Variants in CEPT1 observed in about 807,000 individuals in gnomAD.
The protein encoded by CEPT1 is choline/ethanolaminephosphotransferase 1.
CEPT1 carries 7 observed loss-of-function variants against 42.6 expected under a neutral mutation model. The ratio of observed to expected loss-of-function variants is 0.16; its 90% CI spans 0.09 to 0.31. The LOEUF (loss-of-function observed/expected upper bound fraction) is 0.31. Ranked by LOEUF, CEPT1 falls within the 10% of genes least tolerant of loss-of-function variation. CEPT1 has a pLI of 1.00. For synonymous variants in CEPT1, 171 were observed against 171.9 expected, an observed-to-expected ratio of 0.99 and a Z score of 0.04; for missense variants, 306 against 502.1, an observed-to-expected ratio of 0.61 and a Z score of 3.73.
At chr1:111,167,583 CTA>C in intron 4 of CEPT1, 6 of 968,190 alleles carry the variant, frequency 6.2e-6, no homozygotes, top group Non-Finnish European at 7.4e-6. Context: ...TGAGATGATT[CTA>C]TATTAATGTA....
At chr1:111,161,080 TCA>T in intron 3 of CEPT1, 73 bp from the exon 4 acceptor site, 1 of 1,477,762 alleles carries the variant, frequency 6.8e-7, no homozygotes. Context: ...TCTTTTTGTC[TCA>T]TCTAAAATCA....
chr1:111,178,018 A>T (rs143480888), intron 5 of CEPT1, among the ~76,000 whole-genome samples: 206 of 152,316 alleles, frequency 1.4e-3, no homozygotes, highest in Non-Finnish European at 1.8e-3. Flanking sequence ...ACCCCAGATC[A>T]CTATATTATT....
At chr1:111,141,786 A>G (rs145790478) in intron 1 of CEPT1, among the ~76,000 whole-genome samples, 250 of 152,164 alleles carry the variant, frequency 1.6e-3, no homozygotes, top group African/African-American at 5.7e-3. Flanking sequence ...GCTGAACTTA[A>G]TCCTGTGATC....
At chr1:111,157,968 A>G (rs1417442657) in intron 2 of CEPT1, among the ~76,000 whole-genome samples, 3 of 152,216 alleles carry the variant, frequency 2.0e-5, no homozygotes, top group Non-Finnish European at 4.4e-5. Context: ...AGGGGAAAAT[A>G]ATGAAAAGTG....
At chr1:111,180,490 AG>A (rs1656918271) in intron 5 of CEPT1, 1 of 152,224 alleles carries the variant, frequency 6.6e-6, no homozygotes, top group South Asian at 2.1e-4. Flanking sequence ...TAGACTGTAG[AG>A]GTTGGAGATT....
chr1:111,153,361 G>C (rs914400582), intron 2 of CEPT1, among the ~76,000 whole-genome samples: 1 of 151,978 alleles, frequency 6.6e-6, no homozygotes, highest in Non-Finnish European at 1.5e-5. Context: ...GGCATACACC[G>C]CCATACCTGG....
At chr1:111,140,592 T>C (rs1295820097) in intron 1 of CEPT1, 2 of 152,600 alleles carry the variant, frequency 1.3e-5, no homozygotes, top group Non-Finnish European at 2.9e-5. Context: ...CGGGGGGCTG[T>C]TGTGTGGGAG....
chr1:111,151,876 G>C (rs1017379499), intron 2 of CEPT1, among the ~76,000 whole-genome samples: 1 of 152,122 alleles, frequency 6.6e-6, no homozygotes, highest in African/African-American at 2.4e-5. Flanking sequence ...TCCTTGTCTT[G>C]TATTGTTATG....
chr1:111,165,281 C>A (rs545248553), intron 4 of CEPT1, among the ~76,000 whole-genome samples: 10 of 151,642 alleles, frequency 6.6e-5, no homozygotes, highest in Non-Finnish European at 1.5e-5. Context: ...ATCTCCTGAC[C>A]TCGTGATCCG....
At chr1:111,149,541 T>G (rs1472062557) in intron 2 of CEPT1, among the ~76,000 whole-genome samples, 2 of 152,140 alleles carry the variant, frequency 1.3e-5, no homozygotes, top group African/African-American at 2.4e-5. Context: ...GGGATTACAG[T>G]GAGCAACTGC....
intron 5 of CEPT1, chr1:111,181,437 A>G (rs1003657337): frequency 2.0e-5 from 3 of 152,246 alleles, no homozygotes; most frequent in South Asian, 4.1e-4. Flanking sequence ...GCAAAAATGC[A>G]TGACATCAAT....
intron 4 of CEPT1, among the ~76,000 whole-genome samples, chr1:111,164,912 C>G (rs906731000): frequency 7.6e-4 from 115 of 151,612 alleles, no homozygotes; most frequent in African/African-American, 2.6e-3. Context: ...TGAGCCACCG[C>G]ACCCGGCCTA....
At chr1:111,176,784 G>A (rs779101564) in intron 5 of CEPT1, among the ~76,000 whole-genome samples, 6 of 152,170 alleles carry the variant, frequency 3.9e-5, no homozygotes, top group Non-Finnish European at 7.4e-5. Flanking sequence ...ATGAAACAAA[G>A]TGTGTGTATT....
In CEPT1 at chr1:111,169,228, CT is replaced by C. The variant is rs541091515; in HGVS notation, c.630-5648del. On this transcript the variant is annotated intron_variant, in intron 4 of 8. Transcript: ENST00000357172. ...ACTAAGAAGTGTATCGTTAGCCTCC[CT>C]TTACCCTTACACTGTCTTCTGGTAC... is the stretch of plus-strand genomic sequence containing the variant. Among the ~76,000 whole-genome samples, 296 of 152,294 alleles carry C rather than the reference CT, an allele frequency of 1.9e-3. 1 individual carries two copies. Among genetic ancestry groups the C allele is most frequent in the African/African-American group, 6.9e-3 (286 of 41,562 alleles).
chr1:111,153,729 A>G (rs560274683), intron 2 of CEPT1, among the ~76,000 whole-genome samples: 29 of 151,600 alleles, frequency 1.9e-4, no homozygotes, highest in Admixed American at 1.1e-3. Context: ...TCCTTTCCCC[A>G]CTCTATGTTC....
chr1:111,170,475 T>TC (rs780737086), intron 4 of CEPT1, among the ~76,000 whole-genome samples: 1 of 152,208 alleles, frequency 6.6e-6, no homozygotes, highest in African/African-American at 2.4e-5. Flanking sequence ...TTAAAAATAC[T>TC]CCAAGTTATC....
intron 2 of CEPT1, among the ~76,000 whole-genome samples, chr1:111,158,682 T>C (rs1655702114): frequency 6.6e-6 from 1 of 152,162 alleles, no homozygotes; most frequent in East Asian, 1.9e-4. Context: ...ACCCAGTGTT[T>C]CCCATATGAG....
At chr1:111,152,797 T>C (rs771058159) in intron 2 of CEPT1, among the ~76,000 whole-genome samples, 29 of 152,314 alleles carry the variant, frequency 1.9e-4, no homozygotes, top group Non-Finnish European at 3.4e-4. Flanking sequence ...ATAAAACTCA[T>C]ATTGTACCTG....
chr1:111,146,784 A>G (rs1163470547), intron 1 of CEPT1, among the ~76,000 whole-genome samples: 2 of 152,060 alleles, frequency 1.3e-5, no homozygotes, highest in Admixed American at 1.3e-4. Flanking sequence ...TCATCACTTA[A>G]CCCACTTTTA....
Sources: gnomAD v4.1 joint callset for allele counts (sites outside exome capture counted in the v4.1 genomes callset) on GRCh38, gnomAD v4.1.1 for gene constraint, MANE v1.5 for transcripts, NCBI Gene and HGNC (gene_info 2026-07-23, HGNC 2026-07-21) for gene names.